Variants in HCAR2 observed in about 807,000 individuals in gnomAD.
HCAR2 encodes G protein-coupled receptor HM74a.
For synonymous variants in HCAR2, 156 were observed against 189.4 expected (o/e 0.82, Z 1.45); for missense variants, 346 against 476.6 (o/e 0.73, Z 2.55).
chr12:122,702,201 G>A lies in HCAR2; in HGVS notation c.1083C>T (p.Thr361=), dbSNP rs199966560. ...TTCTTGGCATGGTTATTTAAGGAGA[G>A]GTTGGGCCCAGATAAGAGGGGCTCC... The part of the protein sequence containing the change: ...EPWSPSYLGP[T]SP Residue 361 remains threonine (T), a synonymous_variant, in exon 1 of 1, where the codon ACC becomes ACT. Coordinates refer to ENST00000328880, the MANE Select transcript of HCAR2 (RefSeq NM_177551.4). 51 of 1,614,194 alleles carry A rather than the reference G, an allele frequency of 3.2e-5. No individual in the cohort carries two copies. The Middle Eastern group carries it at 1.6e-3, about 52-fold the overall frequency.
In HCAR2 at chr12:122,702,243, G is replaced by A; in HGVS notation, c.1041C>T (p.Ala347=). The A allele has an allele frequency of 6.2e-7, 1 of 1,614,240 alleles. No homozygotes were observed. Among genetic ancestry groups the A allele is most frequent in the Non-Finnish European group, 8.5e-7 (1 of 1,180,052 alleles). ...AGGGGCTCCATGGCTCACCGGAGTT[G>A]GCCATTAACGCCTCTGGAGCGCCTC... The part of the protein sequence containing the change: ...KTRGAPEALM[A]NSGEPWSPSY... The change falls in exon 1 of 1, where the codon GCC becomes GCT. Residue 347 remains alanine, a synonymous_variant. Coordinates refer to ENST00000328880, the MANE Select transcript of HCAR2 (RefSeq NM_177551.4).
rs202067823 is a variant in HCAR2, at chr12:122,702,459, C to T, written c.825G>A (p.Ala275=). The stretch of plus-strand genomic sequence containing the variant: ...AGGTGAAGCTGAGAGTGATAAAGAA[C>T]GCCAGGTCCACCGAGCGGTACACTT... ...NCEVYRSVDL[A]FFITLSFTYM... Residue 275 remains alanine (A), a synonymous_variant, in exon 1 of 1, where the codon GCG becomes GCA. Coordinates refer to ENST00000328880, the MANE Select transcript of HCAR2 (RefSeq NM_177551.4). 8.4e-5 allele frequency: 136 copies of T among 1,613,978 alleles called. No individual in the cohort carries two copies. The highest frequency in any genetic ancestry group is 7.7e-4 in the African/African-American group (58 of 75,028).
rs1366866119 is a variant in HCAR2 at position 122,701,485 on chromosome 12, C to G, written c.*707G>C. Reference sequence around the variant, plus strand: ...TTTTAACTGCCCAACCCTTAGATTACTATAAACAAGAGAGGAATGGATTGC... The same window carrying G: ...TTTTAACTGCCCAACCCTTAGATTAGTATAAACAAGAGAGGAATGGATTGC... On this transcript the variant is annotated 3_prime_UTR_variant, in exon 1 of 1. Transcript: ENST00000328880. The G allele has an allele frequency of 1.3e-5, 2 of 152,680 alleles. No homozygotes were observed. Among genetic ancestry groups the G allele is most frequent in the Non-Finnish European group, 2.9e-5 (2 of 68,416 alleles). 9.5% of individuals were successfully genotyped at this position (152,680 alleles called of 1,614,324 possible).
Position 122,702,826 on chromosome 12 carries a change from C to A in HCAR2, c.458G>T (p.Gly153Val), listed in dbSNP as rs199754768. ...GTGGACTGTCAGGCCAATAGTGATG[C>A]CCCACAGAAGGCAAGAGATGATGGC... ...TAAIISCLLW[G>V]ITIGLTVHLL... is the part of the protein sequence containing the mutation. Residue 153 changes from glycine (G) to valine (V), a missense_variant, in exon 1 of 1, where the codon GGC becomes GTC. Transcript: ENST00000328880. The A allele has an allele frequency of 1.9e-6, 3 of 1,614,122 alleles. No individual in the cohort carries two copies. The highest frequency in any genetic ancestry group is 2.5e-6 in the Non-Finnish European group (3 of 1,180,018).
At position 122,701,682 on chromosome 12, in the gene HCAR2, G is replaced by T. The variant is rs541032921; in HGVS notation, c.*510C>A. On this transcript the variant is annotated 3_prime_UTR_variant, in exon 1 of 1. Coordinates refer to ENST00000328880, the MANE Select transcript of HCAR2 (RefSeq NM_177551.4). ...TTCTGCTAAAGCTTGTCTGAAAGAT[G>T]AATTGGTCCACGGAAGCCAGGTGAC... The T allele has an allele frequency of 5.5e-6, 1 of 183,156 alleles. No individual in the cohort carries two copies. Among genetic ancestry groups the T allele is most frequent in the Non-Finnish European group, 1.2e-5 (1 of 85,794 alleles). 11.3% of individuals were successfully genotyped at this position (183,156 alleles called of 1,614,324 possible).
Position 122,703,093 on chromosome 12 carries a change from A to G in HCAR2, c.191T>C (p.Ile64Thr), listed in dbSNP as rs200608306. The G allele has an allele frequency of 9.3e-6, 15 of 1,614,044 alleles. No individual in the cohort carries two copies. Among genetic ancestry groups the G allele is most frequent in the African/African-American group, 1.3e-5 (1 of 74,914 alleles). The change falls in exon 1 of 1, where the codon ATT becomes ACT. Residue 64 changes from isoleucine (I) to threonine (T), a missense_variant. Ile to Thr is a moderately conservative substitution (Grantham distance 89). Transcript: ENST00000328880. ...AGCCACTGCCAGGTTGAACAGGAAA[A>G]TCCGGCTGGATTTCCAGGACTTGAG... is the stretch of plus-strand genomic sequence containing the variant. The part of the protein sequence containing the change: ...FHLKSWKSSR[I>T]FLFNLAVADF...
rs769715682 is a variant in HCAR2 at position 122,702,619 on chromosome 12, C to T, written c.665G>A (p.Arg222Gln). ...IWSLRQRQMDRHAKIKRAITF... is the reference protein window; with the variant it reads ...IWSLRQRQMDQHAKIKRAITF... ...GATGGCTCTCTTGATCTTGGCATGC[C>T]GGTCCATTTGTCTCTGCCGCAGGCT... Residue 222 changes from arginine (R) to glutamine (Q), a missense_variant, in exon 1 of 1, where the codon CGG becomes CAG. Arg to Gln is a conservative substitution (Grantham distance 43). Transcript: ENST00000328880. 1.2e-5 allele frequency: 20 copies of T among 1,614,034 alleles called. No individual in the cohort carries two copies. Among genetic ancestry groups the T allele is most frequent in the South Asian group, 4.4e-5 (4 of 91,072 alleles).
rs931357507 is a variant in HCAR2 at position 122,702,751 on chromosome 12, C to A, written c.533G>T (p.Ser178Ile). ...GAAGGTATGGCAGATGCTGAAGCTG[C>A]TGCACAAATTTGCACCGCCATTCTG... ...PIQNGGANLC[S>I]SFSICHTFQW... Residue 178 changes from serine to isoleucine, a missense_variant, in exon 1 of 1, where the codon AGC becomes ATC. By Grantham distance (142) the Ser-to-Ile change is moderately radical. Coordinates refer to ENST00000328880, the MANE Select transcript of HCAR2 (RefSeq NM_177551.4). 18 of 1,614,086 alleles carry A rather than the reference C, an allele frequency of 1.1e-5. No homozygotes were observed. Among genetic ancestry groups the A allele is most frequent in the East Asian group, 4.5e-5 (2 of 44,902 alleles).
At position 122,702,079 on chromosome 12, in the gene HCAR2, G is replaced by C. The variant is rs1877087434; in HGVS notation, c.*113C>G. On this transcript the variant is annotated 3_prime_UTR_variant, in exon 1 of 1. Coordinates refer to ENST00000328880, the MANE Select transcript of HCAR2 (RefSeq NM_177551.4). The stretch of plus-strand genomic sequence containing the variant: ...CCCTAAATCGCATTCTCTGAATCTG[G>C]AAGTTCCAGGAAACCTTAGGCCGAG... 6.5e-7 allele frequency: 1 copy of C among 1,541,458 alleles called. No homozygotes were observed.
Position 122,703,077 on chromosome 12 carries a change from C to T in HCAR2, c.207G>A (p.Leu69=), listed in dbSNP as rs1877130861. 6.2e-7 allele frequency: 1 copy of T among 1,614,138 alleles called. No individual in the cohort carries two copies. Among genetic ancestry groups the T allele is most frequent in the South Asian group, 1.1e-5 (1 of 91,080 alleles). Residue 69 remains leucine (L), a synonymous_variant, in exon 1 of 1, where the codon CTG becomes CTA. Transcript: ENST00000328880. ...TGATCAGTAGAAAGTCAGCCACTGC[C>T]AGGTTGAACAGGAAAATCCGGCTGG... ...WKSSRIFLFN[L]AVADFLLIIC...
rs377019221 is a variant in HCAR2, at chr12:122,702,570, G to A, written c.714C>T (p.Ile238=). 1.4e-5 allele frequency: 23 copies of A among 1,614,102 alleles called. No individual in the cohort carries two copies. Among genetic ancestry groups the A allele is most frequent in the Middle Eastern group, 1.6e-4 (1 of 6,082 alleles). ...RAITFIMVVA[I]VFVICFLPSV... Reference sequence around the variant, plus strand: ...TGGGAAGGAAGCAGATGACAAAGACGATGGCCACCACCATGATGAAGGTGA... The same window carrying A: ...TGGGAAGGAAGCAGATGACAAAGACAATGGCCACCACCATGATGAAGGTGA... The change falls in exon 1 of 1, where the codon ATC becomes ATT. Residue 238 remains isoleucine, a synonymous_variant. Transcript: ENST00000328880.
At position 122,701,941 on chromosome 12, in the gene HCAR2, G is replaced by A. The variant is rs538058928; in HGVS notation, c.*251C>T. ...ACAATTTGCCCATCTTCAGTCCTGCGAGCGTCAGAGATGAAGCAAAAGTTT... is the reference window on the plus strand; with the variant it reads ...ACAATTTGCCCATCTTCAGTCCTGCAAGCGTCAGAGATGAAGCAAAAGTTT... On this transcript the variant is annotated 3_prime_UTR_variant, in exon 1 of 1. Coordinates refer to ENST00000328880, the MANE Select transcript of HCAR2 (RefSeq NM_177551.4). The A allele has an allele frequency of 2.9e-5, 20 of 683,716 alleles. No individual in the cohort carries two copies. The highest frequency in any genetic ancestry group is 2.1e-4 in the African/African-American group (12 of 55,982). The allele number at this position is 683,716 out of a possible 1,614,324, so 42.4% of individuals were successfully genotyped here.
chr12:122,702,759 A>G lies in HCAR2; in HGVS notation c.525T>C (p.Asn175=), dbSNP rs1437571026. The part of the protein sequence containing the change: ...KKMPIQNGGA[N]LCSSFSICHT... ...GGCAGATGCTGAAGCTGCTGCACAAATTTGCACCGCCATTCTGGATCGGCA... is the reference window on the plus strand; with the variant it reads ...GGCAGATGCTGAAGCTGCTGCACAAGTTTGCACCGCCATTCTGGATCGGCA... The change falls in exon 1 of 1, where the codon AAT becomes AAC. Residue 175 remains asparagine (N), a synonymous_variant. Coordinates refer to ENST00000328880, the MANE Select transcript of HCAR2 (RefSeq NM_177551.4). The G allele has an allele frequency of 6.2e-7, 1 of 1,614,152 alleles. No homozygotes were observed. Among genetic ancestry groups the G allele is most frequent in the Admixed American group, 1.7e-5 (1 of 60,018 alleles).
rs752586480 is a variant in HCAR2, at chr12:122,703,041, G to C, written c.243C>G (p.Pro81=). ...VADFLLIICL[P]FLMDNYVRRW... is the part of the protein sequence containing the mutation. Reference sequence around the variant, plus strand: ...GCCTCACATAGTTGTCCATCAGGAAGGGCAGGCAGATGATCAGTAGAAAGT... The same window carrying C: ...GCCTCACATAGTTGTCCATCAGGAACGGCAGGCAGATGATCAGTAGAAAGT... Residue 81 remains proline, a synonymous_variant, in exon 1 of 1, where the codon CCC becomes CCG. Coordinates refer to ENST00000328880, the MANE Select transcript of HCAR2 (RefSeq NM_177551.4). 6.2e-7 allele frequency: 1 copy of C among 1,614,142 alleles called. No individual in the cohort carries two copies.
chr12:122,702,295 T>C lies in HCAR2; in HGVS notation c.989A>G (p.Glu330Gly), dbSNP rs1179927625. 6.2e-7 allele frequency: 1 copy of C among 1,614,220 alleles called. No individual in the cohort carries two copies. Among genetic ancestry groups the C allele is most frequent in the Non-Finnish European group, 8.5e-7 (1 of 1,180,042 alleles). Reference sequence around the variant, plus strand: ...GGTTTTGTTGGGGTCCCCTGTGAGCTCGACGCTCGTGCTGCGGTTATTATC... The same window carrying C: ...GGTTTTGTTGGGGTCCCCTGTGAGCCCGACGCTCGTGCTGCGGTTATTATC... The part of the protein sequence containing the change: ...EPDNNRSTSV[E>G]LTGDPNKTRG... The change falls in exon 1 of 1, where the codon GAG becomes GGG. Residue 330 changes from glutamate to glycine, a missense_variant. By Grantham distance (98) the Glu-to-Gly change is moderately conservative. Coordinates refer to ENST00000328880, the MANE Select transcript of HCAR2 (RefSeq NM_177551.4).
In HCAR2 at chr12:122,701,372, C is replaced by T. The variant is rs1241660621; in HGVS notation, c.*820G>A. ...AAGCGAAGGAACCAGGAGGAACGTG[C>T]ACCCCTCTAACTGTGGGGCAGAGGC... On this transcript the variant is annotated 3_prime_UTR_variant, in exon 1 of 1. Coordinates refer to ENST00000328880, the MANE Select transcript of HCAR2 (RefSeq NM_177551.4). The T allele has an allele frequency of 1.3e-5, 2 of 152,236 alleles. No homozygotes were observed. The highest frequency in any genetic ancestry group is 4.8e-5 in the African/African-American group (2 of 41,452). The allele number at this position is 152,236 out of a possible 1,614,324, so 9.4% of individuals were successfully genotyped here.
chr12:122,702,741 G>A lies in HCAR2; in HGVS notation c.543C>T (p.Ser181=), dbSNP rs200113893. Residue 181 remains serine (S), a synonymous_variant, in exon 1 of 1, where the codon AGC becomes AGT. Coordinates refer to ENST00000328880, the MANE Select transcript of HCAR2 (RefSeq NM_177551.4). Reference sequence around the variant, plus strand: ...CGTGCCACTGGAAGGTATGGCAGATGCTGAAGCTGCTGCACAAATTTGCAC... The same window carrying A: ...CGTGCCACTGGAAGGTATGGCAGATACTGAAGCTGCTGCACAAATTTGCAC... The part of the protein sequence containing the change: ...NGGANLCSSF[S]ICHTFQWHEA... The A allele has an allele frequency of 6.2e-7, 1 of 1,614,204 alleles. No individual in the cohort carries two copies. Among genetic ancestry groups the A allele is most frequent in the Non-Finnish European group, 8.5e-7 (1 of 1,180,028 alleles).
chr12:122,703,164 G>A lies in HCAR2; in HGVS notation c.120C>T (p.Phe40=), dbSNP rs200200672. 2.6e-4 allele frequency: 414 copies of A among 1,613,826 alleles called. 1 individual carries two copies. The highest frequency in any genetic ancestry group is 1.2e-3 in the Middle Eastern group (7 of 6,060). Residue 40 remains phenylalanine, a synonymous_variant, in exon 1 of 1, where the codon TTC becomes TTT. Transcript: ENST00000328880. ...GGGCAAGGCCATTGCCCAGAAGCCC[G>A]AAGATAAACTCCAGCCCCAACACCG... The part of the protein sequence containing the change: ...LPPVLGLEFI[F]GLLGNGLALW...
At position 122,702,050 on chromosome 12, in the gene HCAR2, G is replaced by A. The variant is rs1447468099; in HGVS notation, c.*142C>T. 5.8e-5 allele frequency: 81 copies of A among 1,392,340 alleles called. No homozygotes were observed. The highest frequency in any genetic ancestry group is 7.2e-5 in the Non-Finnish European group (74 of 1,021,626). The allele number at this position is 1,392,340 out of a possible 1,614,324, so 86.2% of individuals were successfully genotyped here. Reference sequence around the variant, plus strand: ...ACCAGTCTCCCACTCATCTGCCACCGTTTCCCTAAATCGCATTCTCTGAAT... The same window carrying A: ...ACCAGTCTCCCACTCATCTGCCACCATTTCCCTAAATCGCATTCTCTGAAT... On this transcript the variant is annotated 3_prime_UTR_variant, in exon 1 of 1. Coordinates refer to ENST00000328880, the MANE Select transcript of HCAR2 (RefSeq NM_177551.4).
Sources: gnomAD v4.1 joint callset for allele counts on GRCh38, gnomAD v4.1.1 for gene constraint, MANE v1.5 for transcripts, NCBI Gene and HGNC (gene_info 2026-07-23, HGNC 2026-07-21) for gene names.